Variants in DPH6 observed in about 807,000 individuals in gnomAD.
DPH6 encodes the protein diphthine--ammonia ligase.
DPH6 carries 33 observed loss-of-function variants against 38.2 expected under a neutral mutation model. The observed-to-expected ratio is 0.86, with a 90% CI of 0.65 to 1.15. DPH6 has a LOEUF of 1.15. DPH6 is among the 50% of genes most tolerant of loss of function. DPH6 has a pLI of 0.00. For missense variants in DPH6, 325 were observed against 320.0 expected (o/e 1.02, Z -0.12); for synonymous variants, 108 against 103.0 (o/e 1.05, Z -0.30).
At chr15:35,253,706 A>G (rs530789343) in intron 3 of DPH6, among the ~76,000 whole-genome samples, 2 of 152,314 alleles carry the variant, frequency 1.3e-5, no homozygotes, top group Admixed American at 1.3e-4. Flanking sequence ...GTACCCCTTC[A>G]AGCCTAAAAA....
intron 3 of DPH6, among the ~76,000 whole-genome samples, chr15:35,491,052 G>A (rs2054470212): frequency 6.6e-6 from 1 of 152,024 alleles, no homozygotes; most frequent in Non-Finnish European, 1.5e-5. Flanking sequence ...TGAGGGCAGA[G>A]CCCTCACAAT....
intron 3 of DPH6, among the ~76,000 whole-genome samples, chr15:35,496,458 G>A (rs1194707375): frequency 4.0e-5 from 6 of 149,812 alleles, no homozygotes; most frequent in Non-Finnish European, 8.9e-5. Flanking sequence ...GGGAGGTTGA[G>A]GCAGGAGAAT....
rs1040249120 is a variant in DPH6, at chr15:35,237,498, C to T, written n.201-16916G>A. The T allele has an allele frequency of 3.8e-6, 6 of 1,568,006 alleles. No individual in the cohort carries two copies. The African/African-American group carries it at 8.2e-5, about 21-fold the overall frequency. On this transcript the variant is annotated intron_variant and non_coding_transcript_variant, in intron 3 of 3. Coordinates refer to the DPH6 transcript ENST00000560386. ...ACCAACGTAGGCCTCACCTCAACTGCAAACTTACCGAAGTTAAACAAACTT... is the reference window on the plus strand; with the variant it reads ...ACCAACGTAGGCCTCACCTCAACTGTAAACTTACCGAAGTTAAACAAACTT...
the DPH6 span, among the ~76,000 whole-genome samples, chr15:35,175,794 A>G: frequency 1.3e-5 from 2 of 152,232 alleles, no homozygotes; most frequent in African/African-American, 2.4e-5. Context: ...TTCCACACTG[A>G]ACGCAGTAAA....
chr15:35,526,047 C>G (rs552957427), intron 3 of DPH6, among the ~76,000 whole-genome samples: 7 of 152,184 alleles, frequency 4.6e-5, no homozygotes, highest in African/African-American at 1.7e-4. Flanking sequence ...ATCAGAAGAA[C>G]TTGGATAAGG....
intron 2 of DPH6, 150 bp from the exon 3 acceptor site, chr15:35,538,617 A>G (rs1714158070): frequency 3.1e-6 from 2 of 642,638 alleles, no homozygotes; most frequent in African/African-American, 3.7e-5. Flanking sequence ...AGTAAAATAA[A>G]AACATAAGAA....
intron 3 of DPH6, among the ~76,000 whole-genome samples, chr15:35,286,519 T>C (rs1292492497): frequency 1.3e-5 from 2 of 152,352 alleles, no homozygotes; most frequent in Admixed American, 6.5e-5. Flanking sequence ...GAGCATATAG[T>C]GACTAAATGA....
At chr15:35,395,496 C>T (rs1208916350) in intron 6 of DPH6, among the ~76,000 whole-genome samples, 3 of 152,174 alleles carry the variant, frequency 2.0e-5, no homozygotes, top group East Asian at 1.9e-4. Context: ...TCCCACATAA[C>T]GTATTCTTAC....
chr15:35,189,796 G>T, the DPH6 span, among the ~76,000 whole-genome samples: 2 of 152,202 alleles, frequency 1.3e-5, no homozygotes, highest in African/African-American at 4.8e-5. Context: ...GGGGCGGATG[G>T]TTGAGACTTA....
At chr15:35,428,470 A>G (rs1374162880) in intron 5 of DPH6, among the ~76,000 whole-genome samples, 1 of 152,054 alleles carries the variant, frequency 6.6e-6, no homozygotes, top group Non-Finnish European at 1.5e-5. Context: ...ACACACTCCA[A>G]TTAACTCTTC....
chr15:35,542,705 A>G (rs1177396855), intron 1 of DPH6, among the ~76,000 whole-genome samples, 198 bp from the exon 2 acceptor site: 2 of 143,640 alleles, frequency 1.4e-5, no homozygotes, highest in African/African-American at 2.9e-5. Context: ...TACTCACAGG[A>G]GCTTAAGAAA....
chr15:35,542,877 G>C (rs1238569403), intron 1 of DPH6, among the ~76,000 whole-genome samples: 1 of 121,026 alleles, frequency 8.3e-6, no homozygotes, highest in Non-Finnish European at 1.7e-5. Context: ...TCTACCTAAG[G>C]AATATATATA....
At chr15:35,499,935 A>G (rs1433350886) in intron 3 of DPH6, among the ~76,000 whole-genome samples, 4 of 152,196 alleles carry the variant, frequency 2.6e-5, no homozygotes, top group African/African-American at 9.6e-5. Flanking sequence ...AGTTTGCTAA[A>G]GAAATCATCC....
intron 5 of DPH6, among the ~76,000 whole-genome samples, chr15:35,425,214 A>G (rs2053553880): frequency 2.0e-5 from 3 of 151,594 alleles, no homozygotes; most frequent in African/African-American, 4.8e-5. Flanking sequence ...CTTTCCAATC[A>G]TGCCAAGTAA....
chr15:35,256,744 A>C (rs948469138), intron 3 of DPH6, among the ~76,000 whole-genome samples: 3 of 152,208 alleles, frequency 2.0e-5, no homozygotes, highest in Admixed American at 6.5e-5. Context: ...GATGAGGTCA[A>C]GAGCCAGGAG....
chr15:35,314,425 G>A (rs935041204), intron 3 of DPH6, among the ~76,000 whole-genome samples: 1 of 152,134 alleles, frequency 6.6e-6, no homozygotes, highest in Non-Finnish European at 1.5e-5. Flanking sequence ...GCAAATTCGA[G>A]TGATTTTCTT....
At chr15:35,237,295 G>T (rs1357964527) in intron 3 of DPH6, 58 of 1,554,476 alleles carry the variant, frequency 3.7e-5, no homozygotes, top group Non-Finnish European at 5.0e-5. Flanking sequence ...GAATTCCAGC[G>T]GCGCGGGAGC....
At chr15:35,198,757 T>C in the DPH6 span, among the ~76,000 whole-genome samples, 1 of 152,180 alleles carries the variant, frequency 6.6e-6, no homozygotes, top group Admixed American at 6.5e-5. Flanking sequence ...TGCAAGAAAG[T>C]TGCTTGATCA....
At chr15:35,467,373 T>G (rs994350303) in intron 3 of DPH6, among the ~76,000 whole-genome samples, 2 of 152,158 alleles carry the variant, frequency 1.3e-5, no homozygotes, top group Admixed American at 6.6e-5. Context: ...GAGACCAGCC[T>G]GGCCAACATG....
Sources: gnomAD v4.1 joint callset for allele counts (sites outside exome capture counted in the v4.1 genomes callset) on GRCh38, gnomAD v4.1.1 for gene constraint, MANE v1.5 for transcripts, NCBI Gene and HGNC (gene_info 2026-07-23, HGNC 2026-07-21) for gene names.